Variants in SASH1 observed in about 807,000 individuals in gnomAD.
SASH1 encodes SAM and SH3 domain containing 1, also known as SAM and SH3 domain-containing protein 1.
SASH1 carries 44 observed loss-of-function variants against 125.2 expected under a neutral mutation model. The ratio of observed to expected loss-of-function variants is 0.35; its 90% CI spans 0.28 to 0.45. The LOEUF (loss-of-function observed/expected upper bound fraction) is 0.45. Among genes scored for constraint, SASH1 ranks in the 20% least tolerant of loss-of-function variants. The pLI, the probability that SASH1 is intolerant of heterozygous loss-of-function variation, is 1.00. For synonymous variants in SASH1, 639 were observed against 649.1 expected, an observed-to-expected ratio of 0.98 and a Z score of 0.24; for missense variants, 1,426 against 1,614.5, an observed-to-expected ratio of 0.88 and a Z score of 2.00.
the SASH1 span, among the ~76,000 whole-genome samples, chr6:148,200,867 C>T: frequency 5.3e-5 from 8 of 152,168 alleles, no homozygotes; most frequent in South Asian, 2.1e-4. Context: ...CTACTCCACC[C>T]GTGTCCTCCT....
At chr6:148,196,964 C>T in the SASH1 span, among the ~76,000 whole-genome samples, 3 of 152,130 alleles carry the variant, frequency 2.0e-5, no homozygotes, top group Non-Finnish European at 2.9e-5. Flanking sequence ...TGACAGGATA[C>T]TGCTGAGTGA....
the SASH1 span, among the ~76,000 whole-genome samples, chr6:148,225,478 A>G: frequency 1.3e-5 from 2 of 152,184 alleles, no homozygotes; most frequent in Non-Finnish European, 1.5e-5. Flanking sequence ...AGGAATGGAA[A>G]CCCAAATATC....
Position 148,548,356 on chromosome 6 carries a change from C to T in SASH1, c.3542C>T (p.Ser1181Phe). 1 of 1,614,244 alleles carries T rather than the reference C, an allele frequency of 6.2e-7. No individual in the cohort carries two copies. Among genetic ancestry groups the T allele is most frequent in the Non-Finnish European group, 8.5e-7 (1 of 1,180,030 alleles). Residue 1181 changes from serine (S) to phenylalanine (F), a missense_variant, in exon 20 of 20, where the codon TCT becomes TTT. Ser to Phe is a radical substitution (Grantham distance 155, BLOSUM62 -2). This residue lies in a region of SASH1 where 634 missense variants were observed against 694.4 expected (regional missense o/e 0.91). Transcript: ENST00000367467. ...RKPVSPGCIS[S>F]VSDWLISIGL... ...CCCGTCTCTCCTGGGTGCATTTCGT[C>T]TGTGTCAGATTGGCTCATTTCCATC...
chr6:148,481,216 C>T (rs1051716316), intron 7 of SASH1, among the ~76,000 whole-genome samples: 1 of 152,044 alleles, frequency 6.6e-6, no homozygotes, highest in Non-Finnish European at 1.5e-5. Context: ...ACCTCCTTAT[C>T]TCTTCATAGA....
chr6:148,387,658 T>G (rs1485336096), intron 1 of SASH1, among the ~76,000 whole-genome samples: 2 of 85,978 alleles, frequency 2.3e-5, no homozygotes, highest in Non-Finnish European at 4.5e-5. Context: ...CTTTCTTTCT[T>G]TCTTTCTTTC....
At chr6:148,406,944 G>T (rs967551843) in intron 2 of SASH1, among the ~76,000 whole-genome samples, 1 of 152,234 alleles carries the variant, frequency 6.6e-6, no homozygotes, top group African/African-American at 2.4e-5. Context: ...GGAGCAGAGA[G>T]AATCAGGCGC....
chr6:148,254,881 A>G, the SASH1 span, among the ~76,000 whole-genome samples: 4 of 152,314 alleles, frequency 2.6e-5, no homozygotes, highest in African/African-American at 9.6e-5. Context: ...ATGAAAACAT[A>G]TGTCCGTACA....
rs1782844492 is a variant in SASH1 at position 148,550,919 on chromosome 6, A to G, written c.*2361A>G. The G allele has an allele frequency of 2.0e-5, 3 of 152,528 alleles. No individual in the cohort carries two copies. The highest frequency in any genetic ancestry group is 1.9e-4 in the East Asian group (1 of 5,204). The allele number at this position is 152,528 out of a possible 1,614,324, so 9.4% of individuals were successfully genotyped here. Reference sequence around the variant, plus strand: ...TCCAAGTTTTAATTCGTTCTCCATGAAGGATTTTCATTTCAGTGAAAGTCG... The same window carrying G: ...TCCAAGTTTTAATTCGTTCTCCATGGAGGATTTTCATTTCAGTGAAAGTCG... On this transcript the variant is annotated 3_prime_UTR_variant, in exon 20 of 20. Transcript: ENST00000367467.
intron 1 of SASH1, among the ~76,000 whole-genome samples, chr6:148,346,054 T>C (rs565166500): frequency 1.1e-4 from 16 of 152,350 alleles, no homozygotes; most frequent in African/African-American, 3.8e-4. Context: ...TCTACCTTAC[T>C]TTTTCAGATT....
the SASH1 span, among the ~76,000 whole-genome samples, chr6:148,232,379 G>A: frequency 6.6e-5 from 10 of 152,104 alleles, no homozygotes; most frequent in Non-Finnish European, 1.2e-4. Flanking sequence ...ACTTGGGCTC[G>A]GGCCTACTGG....
At chr6:148,368,777 C>CACACACACACACACACACACATAT in intron 1 of SASH1, among the ~76,000 whole-genome samples, 1 of 151,576 alleles carries the variant, frequency 6.6e-6, no homozygotes, top group East Asian at 1.9e-4. Context: ...CGCGCACACA[C>CACACACACACACACACACACATAT]ACACACACAC....
intron 1 of SASH1, among the ~76,000 whole-genome samples, chr6:148,305,254 A>G (rs1028983915): frequency 6.6e-6 from 1 of 152,038 alleles, no homozygotes; most frequent in South Asian, 2.1e-4. Flanking sequence ...TAAAGGTTCT[A>G]TTTGTTCCTG....
chr6:148,517,869 G>A (rs1335514042), intron 9 of SASH1, among the ~76,000 whole-genome samples: 2 of 152,196 alleles, frequency 1.3e-5, no homozygotes, highest in African/African-American at 2.4e-5. Flanking sequence ...GGACTCACCT[G>A]ACTTCCCTGA....
At chr6:148,524,990 G>A (rs958694635) in intron 10 of SASH1, 3 of 350,510 alleles carry the variant, frequency 8.6e-6, no homozygotes, top group African/African-American at 6.4e-5. Flanking sequence ...CTGGACTCAT[G>A]GAGGGTTTTT....
At chr6:148,365,586 C>T (rs748782812) in intron 1 of SASH1, among the ~76,000 whole-genome samples, 8 of 152,020 alleles carry the variant, frequency 5.3e-5, no homozygotes, top group African/African-American at 7.2e-5. Context: ...CCTCCATGAT[C>T]GATCCTTAAG....
intron 5 of SASH1, 30 bp from the exon 6 acceptor site, chr6:148,471,386 CT>C (rs35487674): frequency 0.074 from 36,842 of 496,418 alleles, 300 homozygotes; most frequent in African/African-American, 0.083. Flanking sequence ...GCTTTTTGTT[CT>C]TTTTTTTTTT....
At chr6:148,254,068 T>G in the SASH1 span, among the ~76,000 whole-genome samples, 1 of 149,878 alleles carries the variant, frequency 6.7e-6, no homozygotes, top group African/African-American at 2.5e-5. Context: ...TAACTGGGCA[T>G]TGGTGGCGTG....
chr6:148,424,624 G>A (rs907605512), intron 2 of SASH1, among the ~76,000 whole-genome samples: 3 of 152,098 alleles, frequency 2.0e-5, no homozygotes, highest in Non-Finnish European at 4.4e-5. Flanking sequence ...TCCTGCCTGG[G>A]CCTCCCAAAG....
chr6:148,264,869 C>G, the SASH1 span, among the ~76,000 whole-genome samples: 1 of 152,238 alleles, frequency 6.6e-6, no homozygotes, highest in Non-Finnish European at 1.5e-5. Flanking sequence ...TTTTACTAAT[C>G]TGTTTTTGCA....
Sources: gnomAD v4.1 joint callset for allele counts (sites outside exome capture counted in the v4.1 genomes callset) on GRCh38, gnomAD v4.1.1 for gene constraint, gnomAD v4.1.1 regional missense constraint, MANE v1.5 for transcripts, NCBI Gene and HGNC (gene_info 2026-07-23, HGNC 2026-07-21) for gene names.